The following FMNL3 variants were observed in gnomAD, a reference collection of about 807,000 sequenced individuals.
FMNL3 encodes the protein formin-like protein 3.
In FMNL3, 57 loss-of-function variants were observed where a neutral mutation model predicts 119.6. The observed-to-expected ratio is 0.48, with a 90% CI of 0.39 to 0.59. The LOEUF (loss-of-function observed/expected upper bound fraction) is 0.59. FMNL3 is among the 20% of genes least tolerant of loss of function. The pLI is 0.00. For synonymous variants in FMNL3, 491 were observed against 507.3 expected, an observed-to-expected ratio of 0.97 and a Z score of 0.43; for missense variants, 1,053 against 1,323.5, an observed-to-expected ratio of 0.80 and a Z score of 3.17.
At chr12:49,688,745 A>G in intron 1 of FMNL3, 1 of 289,052 alleles carries the variant, frequency 3.5e-6, no homozygotes. Context: ...AGCAGCCCAG[A>G]CTAACTCCAA....
intron 1 of FMNL3, among the ~76,000 whole-genome samples, chr12:49,683,953 C>A (rs1418520479): frequency 2.6e-5 from 4 of 152,168 alleles, no homozygotes; most frequent in African/African-American, 7.2e-5. Context: ...CCTAAATACC[C>A]TTTTAGCCAG....
chr12:49,645,441 CA>C lies in FMNL3; in HGVS notation c.*373del. The C allele has an allele frequency of 5.3e-6, 1 of 189,118 alleles. No homozygotes were observed. Among genetic ancestry groups the C allele is most frequent in the Non-Finnish European group, 1.1e-5 (1 of 92,046 alleles). The allele number at this position is 189,118 out of a possible 1,614,324, so 11.7% of individuals were successfully genotyped here. A position where few individuals can be genotyped will look rare whatever the true frequency, so the allele number is the denominator to read the frequency against. On this transcript the variant is annotated 3_prime_UTR_variant, in exon 26 of 26. Transcript: ENST00000335154. ...TAGACCAGAGCTGACCATGGGCCTG[CA>C]AAAAGGAAGGGAAAAAAAAAGAAAG...
chr12:49,642,378 G>T lies in FMNL3; in HGVS notation c.*3437C>A. On this transcript the variant is annotated 3_prime_UTR_variant, in exon 26 of 26. Coordinates refer to ENST00000335154, the MANE Select transcript of FMNL3 (RefSeq NM_175736.5). The surrounding 1 kb of genome is among the most constrained non-coding windows in gnomAD (Gnocchi z 5.8). Reference sequence around the variant, plus strand: ...TAGGCACTGCCTGGGAAGAGGTCAGGAGCGTAGCCTGGCCCCAAGCACCCC... The same window carrying T: ...TAGGCACTGCCTGGGAAGAGGTCAGTAGCGTAGCCTGGCCCCAAGCACCCC... 1 of 1,613,320 alleles carries T rather than the reference G, an allele frequency of 6.2e-7. No homozygotes were observed. Among genetic ancestry groups the T allele is most frequent in the South Asian group, 1.1e-5 (1 of 91,050 alleles).
chr12:49,653,092 A>G (rs1456067408), intron 13 of FMNL3, 134 bp downstream of exon 13: 1 of 809,328 alleles, frequency 1.2e-6, no homozygotes, highest in African/African-American at 1.7e-5. Context: ...CAGCCCACCC[A>G]CACCTGAGTA....
chr12:49,691,311 G>T (rs911580426), intron 1 of FMNL3, among the ~76,000 whole-genome samples: 18 of 152,058 alleles, frequency 1.2e-4, no homozygotes, highest in African/African-American at 3.4e-4. Context: ...CTTATTCCTA[G>T]AAGGCAAGAA....
chr12:49,653,731 C>A lies in FMNL3; in HGVS notation c.1215G>T (p.Val405=), dbSNP rs774934128. 3.1e-6 allele frequency: 5 copies of A among 1,614,110 alleles called. No individual in the cohort carries two copies. In the Admixed American group the frequency reaches 6.7e-5, roughly 22 times the overall value. The change falls in exon 12 of 26, where the codon GTG becomes GTT. Residue 405 remains valine, a synonymous_variant. Transcript: ENST00000335154. ...LEKVEELEEH[V]SHLTEKLLDL... is the part of the protein sequence containing the mutation. ...GCAAAGGAAGACCACCTACATGGGACACATGCTCCTCCAACTCCTCCACCT... is the reference window on the plus strand; with the variant it reads ...GCAAAGGAAGACCACCTACATGGGAAACATGCTCCTCCAACTCCTCCACCT...
intron 14 of FMNL3, 56 bp from the exon 15 acceptor site, chr12:49,651,506 T>G (rs1943400166): frequency 1.5e-6 from 2 of 1,318,250 alleles, no homozygotes; most frequent in East Asian, 5.2e-5. Context: ...CTTCATAGGC[T>G]TCCCTCCCCT....
At chr12:49,674,108 G>A (rs1944120477) in intron 1 of FMNL3, among the ~76,000 whole-genome samples, 1 of 152,186 alleles carries the variant, frequency 6.6e-6, no homozygotes, top group African/African-American at 2.4e-5. Context: ...TGGCTTCGCT[G>A]CCAACCTGGG....
At chr12:49,703,895 C>G (rs966805589) in intron 1 of FMNL3, among the ~76,000 whole-genome samples, 8 of 152,180 alleles carry the variant, frequency 5.3e-5, no homozygotes, top group Admixed American at 5.2e-4. Context: ...GCTAAGGAAG[C>G]CCTCCAGCTT....
intron 1 of FMNL3, among the ~76,000 whole-genome samples, chr12:49,702,984 T>C (rs995643326): frequency 1.3e-5 from 2 of 152,126 alleles, no homozygotes; most frequent in Non-Finnish European, 2.9e-5. Flanking sequence ...ACATCAATGC[T>C]ACACTTACAG....
At chr12:49,699,409 C>A (rs1466558918) in intron 1 of FMNL3, among the ~76,000 whole-genome samples, 1 of 152,192 alleles carries the variant, frequency 6.6e-6, no homozygotes, top group Non-Finnish European at 1.5e-5. Context: ...TCCACCAAGA[C>A]CAGTTCCTGT....
Position 49,643,139 on chromosome 12 carries a change from C to G in FMNL3, c.*2676G>C, listed in dbSNP as rs2138663041. On this transcript the variant is annotated 3_prime_UTR_variant, in exon 26 of 26. Transcript: ENST00000335154. ...TTTGAGGATTCCTTTGGCCCTGGGT[C>G]CTCCTCCTCTCTCGAATTCCCAGAC... is the stretch of plus-strand genomic sequence containing the variant. The G allele has an allele frequency of 6.3e-7, 1 of 1,587,444 alleles. No homozygotes were observed. Among genetic ancestry groups the G allele is most frequent in the East Asian group, 2.2e-5 (1 of 44,692 alleles).
In FMNL3 at chr12:49,666,113, G is replaced by A. The variant is rs752221795; in HGVS notation, c.291+14C>T. ...AAGGGTGGCAAGACGGGGACTCTCT[G>A]CCTCATACTTCACCTTCCGAGTTAC... On this transcript the variant is annotated intron_variant, in intron 3 of 25. Coordinates refer to ENST00000335154, the MANE Select transcript of FMNL3 (RefSeq NM_175736.5). 1.2e-6 allele frequency: 2 copies of A among 1,612,870 alleles called. No individual in the cohort carries two copies. The highest frequency in any genetic ancestry group is 1.7e-6 in the Non-Finnish European group (2 of 1,179,028).
At chr12:49,660,217 A>C (rs992218265) in intron 5 of FMNL3, among the ~76,000 whole-genome samples, 2 of 152,144 alleles carry the variant, frequency 1.3e-5, no homozygotes, top group African/African-American at 4.8e-5. Context: ...CCTAAAACAC[A>C]CATTCTCTCC....
At chr12:49,661,024 G>C (rs1391241718) in intron 5 of FMNL3, among the ~76,000 whole-genome samples, 2 of 152,162 alleles carry the variant, frequency 1.3e-5, no homozygotes, top group Non-Finnish European at 1.5e-5. Flanking sequence ...TGGGACGCTG[G>C]GGAAAACTAG....
intron 1 of FMNL3, among the ~76,000 whole-genome samples, chr12:49,691,853 G>A (rs1944611525): frequency 6.6e-6 from 1 of 151,932 alleles, no homozygotes; most frequent in Non-Finnish European, 1.5e-5. Context: ...GGCCAACATG[G>A]TGAAACCCCC....
Position 49,652,138 on chromosome 12 carries a change from C to T in FMNL3, c.1398G>A (p.Gln466=). ...CATTTGGCTCCAAATGACATCGACG[C>T]TGAAAGGCCTCCTCCTTCTCTTTAA... ...RLIKEKEEAF[Q]RRCHLEPNVR... Residue 466 remains glutamine (Q), a synonymous_variant, in exon 14 of 26, where the codon CAG becomes CAA. Transcript: ENST00000335154. 3 of 1,613,360 alleles carry T rather than the reference C, an allele frequency of 1.9e-6. No individual in the cohort carries two copies. Among genetic ancestry groups the T allele is most frequent in the Non-Finnish European group, 1.7e-6 (2 of 1,179,782 alleles).
chr12:49,649,043 T>C lies in FMNL3; in HGVS notation c.2501A>G (p.Glu834Gly). Residue 834 changes from glutamate (E) to glycine (G), a missense_variant, in exon 21 of 26, where the codon GAG becomes GGG. By Grantham distance (98) the Glu-to-Gly change is moderately conservative. Around this residue, in one of 4 missense-constraint regions of FMNL3, gnomAD observed 324 missense variants for 380.9 expected, o/e 0.85. Coordinates refer to ENST00000335154, the MANE Select transcript of FMNL3 (RefSeq NM_175736.5). This position sits in a 1 kb window ranked among gnomAD's most constrained non-coding sequence, Gnocchi z 5.6. ...ANFWHELHFV[E>G]KAAAVSLENV... is the part of the protein sequence containing the mutation. ...GCTCTCCTCACCTGCTGCAGCCTTCTCAACAAAGTGCAGCTCATGCCAGAA... is the reference window on the plus strand; with the variant it reads ...GCTCTCCTCACCTGCTGCAGCCTTCCCAACAAAGTGCAGCTCATGCCAGAA... 4 of 1,600,682 alleles carry C rather than the reference T, an allele frequency of 2.5e-6. No individual in the cohort carries two copies. The highest frequency in any genetic ancestry group is 1.1e-5 in the South Asian group (1 of 87,928).
intron 5 of FMNL3, among the ~76,000 whole-genome samples, chr12:49,661,505 C>A (rs1943732957): frequency 6.6e-6 from 1 of 152,192 alleles, no homozygotes. Flanking sequence ...TTTTTCTATC[C>A]AGGTCAAAAG....
Sources: gnomAD v4.1 joint callset for allele counts (sites outside exome capture counted in the v4.1 genomes callset) on GRCh38, gnomAD v4.1.1 for gene constraint, gnomAD v4.1.1 regional missense constraint, Gnocchi (gnomAD v3.1) non-coding constraint, MANE v1.5 for transcripts, NCBI Gene and HGNC (gene_info 2026-07-23, HGNC 2026-07-21) for gene names.